KHDC4: variants seen among roughly 807,000 people sequenced by gnomAD.
KHDC4 encodes the protein KH domain containing 4, pre-mRNA splicing factor.
Under a neutral mutation model 74.5 loss-of-function variants are expected in KHDC4, and 19 were observed. The observed-to-expected ratio is 0.26, with a 90% CI of 0.18 to 0.37. KHDC4 has a LOEUF of 0.37. Ranked by LOEUF, KHDC4 falls within the 10% of genes least tolerant of loss-of-function variation. KHDC4 has a pLI of 1.00. For missense variants in KHDC4, 632 were observed against 754.1 expected (o/e 0.84, Z 1.90); for synonymous variants, 253 against 266.1 (o/e 0.95, Z 0.48).
intron 10 of KHDC4, among the ~76,000 whole-genome samples, chr1:155,917,912 G>C (rs997825577): frequency 5.3e-5 from 8 of 152,136 alleles, no homozygotes; most frequent in Admixed American, 6.6e-5. Flanking sequence ...AGAAAACTCT[G>C]TTATGCATTT....
chr1:155,914,146 T>C lies in KHDC4; in HGVS notation c.1820A>G (p.Gln607Arg). The C allele has an allele frequency of 5.6e-6, 9 of 1,614,176 alleles. No individual in the cohort carries two copies. The highest frequency in any genetic ancestry group is 7.6e-6 in the Non-Finnish European group (9 of 1,180,008). ...YPSSQPRAKQ[Q>R]MPFWMAP ...CTAGGGAGCCATCCAGAATGGCATC[T>C]GTTGTTTAGCTCGTGGTTGTGATGA... Residue 607 changes from glutamine (Q) to arginine (R), a missense_variant, in exon 14 of 14, where the codon CAG becomes CGG. Physicochemically the swap from Gln to Arg is conservative, Grantham distance 43. Around this residue, in one of 4 missense-constraint regions of KHDC4, gnomAD observed 41 missense variants for 66.0 expected, o/e 0.62. Coordinates refer to ENST00000368321, the MANE Select transcript of KHDC4 (RefSeq NM_014949.4).
chr1:155,933,330 G>A lies in KHDC4; in HGVS notation c.255+303C>T, dbSNP rs1674184022. Among the ~76,000 whole-genome samples the A allele has an allele frequency of 2.7e-5, 4 of 148,182 alleles. No homozygotes were observed. In the South Asian group the frequency reaches 8.5e-4, roughly 31 times the overall value. Reference sequence around the variant, plus strand: ...TTTTGAGACGGAGTCTCATTGGGTCGCCCAGGCTAGAGTGCACTGGCACAA... The same window carrying A: ...TTTTGAGACGGAGTCTCATTGGGTCACCCAGGCTAGAGTGCACTGGCACAA... On this transcript the variant is annotated intron_variant, in intron 2 of 13. Transcript: ENST00000368321.
intron 2 of KHDC4, among the ~76,000 whole-genome samples, chr1:155,931,983 G>A (rs1674151502): frequency 6.6e-6 from 1 of 152,192 alleles, no homozygotes; most frequent in South Asian, 2.1e-4. Context: ...GTAGCCATTA[G>A]CCACATGTGT....
chr1:155,934,218 G>A (rs1190203049), intron 1 of KHDC4, 118 bp downstream of exon 1: 7 of 1,106,718 alleles, frequency 6.3e-6, no homozygotes, highest in East Asian at 2.6e-5. Context: ...CTCCCCAAAC[G>A]TCCAGCCCTT....
At position 155,929,438 on chromosome 1, in the gene KHDC4, T is replaced by C. The variant is rs1034751261; in HGVS notation, c.385-63A>G. 4.9e-5 allele frequency: 65 copies of C among 1,323,158 alleles called. No homozygotes were observed. In the African/African-American group the frequency reaches 8.8e-4, roughly 18 times the overall value. 82.0% of individuals were successfully genotyped at this position (1,323,158 alleles called of 1,614,324 possible). A position where few individuals can be genotyped will look rare whatever the true frequency, so the allele number is the denominator to read the frequency against. On this transcript the variant is annotated intron_variant, in intron 3 of 13. Transcript: ENST00000368321. ...TTGGTTGATTTCAATGGCAGACAGA[T>C]TTTCTTCCCATTCATTCATTCAACC...
intron 2 of KHDC4, among the ~76,000 whole-genome samples, chr1:155,931,025 T>C (rs909001955): frequency 1.3e-4 from 19 of 148,716 alleles, no homozygotes; most frequent in African/African-American, 4.5e-4. Flanking sequence ...AATAAATATA[T>C]AAATTACAAA....
chr1:155,916,190 C>T (rs1020385051), intron 12 of KHDC4, among the ~76,000 whole-genome samples: 5 of 152,170 alleles, frequency 3.3e-5, no homozygotes, highest in Admixed American at 1.3e-4. Context: ...AAGATATCAG[C>T]TCCTTTCTTA....
intron 11 of KHDC4, chr1:155,916,985 A>G: frequency 3.0e-6 from 1 of 330,284 alleles, no homozygotes; most frequent in Non-Finnish European, 5.5e-6. Flanking sequence ...CTGACTGCCC[A>G]TAGCTCCACT....
In KHDC4 at chr1:155,914,025, TG is replaced by T; in HGVS notation, c.*95del. Reference sequence around the variant, plus strand: ...TCTCTAACTTCTGCAAAGGTCCAGATGGTTCCCAGCACAGGCCCCAGAGTCT... The same window carrying T: ...TCTCTAACTTCTGCAAAGGTCCAGATGTTCCCAGCACAGGCCCCAGAGTCT... On this transcript the variant is annotated 3_prime_UTR_variant, in exon 14 of 14. Transcript: ENST00000368321. The T allele has an allele frequency of 9.3e-7, 1 of 1,079,036 alleles. No homozygotes were observed. Among genetic ancestry groups the T allele is most frequent in the Admixed American group, 1.9e-5 (1 of 53,776 alleles). 66.8% of individuals were successfully genotyped at this position (1,079,036 alleles called of 1,614,324 possible).
intron 6 of KHDC4, 180 bp from the exon 7 acceptor site, chr1:155,926,023 T>C (rs753090402): frequency 6.6e-6 from 5 of 758,600 alleles, no homozygotes; most frequent in Admixed American, 1.7e-5. Flanking sequence ...CCAACCCTTT[T>C]TTCTAGGAGG....
At chr1:155,930,460 G>A (rs914628339) in intron 2 of KHDC4, among the ~76,000 whole-genome samples, 41 of 152,150 alleles carry the variant, frequency 2.7e-4, no homozygotes, top group Admixed American at 2.6e-3. Flanking sequence ...CCTAATTACA[G>A]AAGCTCTAGG....
chr1:155,919,221 A>C (rs969396426), intron 10 of KHDC4, among the ~76,000 whole-genome samples: 1 of 150,618 alleles, frequency 6.6e-6, no homozygotes, highest in African/African-American at 2.4e-5. Flanking sequence ...ACCCGCCCCA[A>C]CCTCCCAAAG....
chr1:155,924,730 C>CA (rs752746432), intron 7 of KHDC4, among the ~76,000 whole-genome samples: 32 of 151,968 alleles, frequency 2.1e-4, no homozygotes, highest in Non-Finnish European at 3.8e-4. Flanking sequence ...CCTGCCACCA[C>CA]ACCTGGCTAA....
intron 7 of KHDC4, among the ~76,000 whole-genome samples, chr1:155,924,396 T>G (rs1388719755): frequency 6.6e-6 from 1 of 151,778 alleles, no homozygotes; most frequent in Non-Finnish European, 1.5e-5. Context: ...TTATTTTTAG[T>G]AGAAACGGGA....
At chr1:155,925,994 T>C (rs1300714608) in intron 6 of KHDC4, 151 bp from the exon 7 acceptor site, 1 of 786,566 alleles carries the variant, frequency 1.3e-6, no homozygotes, top group Non-Finnish European at 2.3e-6. Context: ...GTGATACTCT[T>C]CAGTGAAGGC....
In KHDC4 at chr1:155,927,832, C is replaced by CCACACACACACA. The variant is rs199711249; in HGVS notation, c.465-688_465-677dup. Among the ~76,000 whole-genome samples the CCACACACACACA allele has an allele frequency of 8.2e-3, 743 of 90,896 alleles. 4 individuals are homozygous for CCACACACACACA. Among genetic ancestry groups the CCACACACACACA allele is most frequent in the Non-Finnish European group, 9.8e-3 (531 of 53,994 alleles). The allele number at this position is 90,896 out of a possible 152,430, so 59.6% of individuals were successfully genotyped here. A position where few individuals can be genotyped will look rare whatever the true frequency, so the allele number is the denominator to read the frequency against. On this transcript the variant is annotated intron_variant, in intron 4 of 13. Transcript: ENST00000368321. ...AAAAAAAAAAAAAAAAAAAAAAAAACCACACACACACACACACACACACAC... is the reference window on the plus strand; with the variant it reads ...AAAAAAAAAAAAAAAAAAAAAAAAACCACACACACACACACACACACACACACACACACACAC...
At chr1:155,918,972 T>TG (rs55905616) in intron 10 of KHDC4, among the ~76,000 whole-genome samples, 1 of 662 alleles carries the variant, frequency 1.5e-3, no homozygotes, top group African/African-American at 5.0e-3. Flanking sequence ...TAACTCCCAG[T>TG]TTTTTTTTTT....
At chr1:155,932,488 G>A (rs1674161719) in intron 2 of KHDC4, 1 of 151,988 alleles carries the variant, frequency 6.6e-6, no homozygotes, top group African/African-American at 2.4e-5. Flanking sequence ...TAAATCCAGT[G>A]TTTATGTATC....
intron 7 of KHDC4, among the ~76,000 whole-genome samples, chr1:155,925,136 C>T (rs1673958847): frequency 6.6e-6 from 1 of 151,730 alleles, no homozygotes; most frequent in African/African-American, 2.4e-5. Flanking sequence ...ACGCCATTCT[C>T]CTGCCTCAGC....
Sources: allele counts gnomAD v4.1 joint callset (sites outside exome capture counted in the v4.1 genomes callset), GRCh38; gene constraint gnomAD v4.1.1; regional missense constraint gnomAD v4.1.1; transcripts MANE v1.5; gene names NCBI Gene and HGNC (gene_info 2026-07-23, HGNC 2026-07-21).